RANBP3: variants seen among roughly 807,000 people sequenced by gnomAD.
The protein encoded by RANBP3 is RAN binding protein 3.
In RANBP3, 14 loss-of-function variants were observed where a neutral mutation model predicts 77.3. That is an observed-to-expected ratio of 0.18 (90% CI 0.12 to 0.28). RANBP3 has a LOEUF of 0.28. RANBP3 is among the 10% of genes least tolerant of loss of function. The pLI is 1.00. For synonymous variants in RANBP3, 315 were observed against 312.4 expected (o/e 1.01, Z -0.09); for missense variants, 586 against 752.3 (o/e 0.78, Z 2.59).
chr19:5,920,428 C>G (rs554270422), intron 14 of RANBP3, among the ~76,000 whole-genome samples: 1 of 152,312 alleles, frequency 6.6e-6, no homozygotes, highest in Non-Finnish European at 1.5e-5. Flanking sequence ...TGTGCACACA[C>G]ACAGGCTGAT....
chr19:5,934,386 A>C (rs1181921038), intron 5 of RANBP3: 1 of 152,252 alleles, frequency 6.6e-6, no homozygotes, highest in African/African-American at 2.4e-5. Flanking sequence ...CCCCTTGTCA[A>C]GCTACAGGAC....
chr19:5,939,279 T>C (rs1471128282), intron 5 of RANBP3, among the ~76,000 whole-genome samples: 2 of 152,180 alleles, frequency 1.3e-5, no homozygotes, highest in South Asian at 2.1e-4. Context: ...TTAGAGGACT[T>C]AGAGCTCCAT....
intron 15 of RANBP3, 110 bp downstream of exon 15, chr19:5,918,386 A>ACGGGGGGGG: frequency 4.9e-6 from 3 of 617,694 alleles, no homozygotes; most frequent in African/African-American, 3.8e-5. Flanking sequence ...GAAGCAACTG[A>ACGGGGGGGG]AGCCCCTCCC....
Position 5,941,809 on chromosome 19 carries a change from T to G in RANBP3, c.309A>C (p.Glu103Asp). The G allele has an allele frequency of 6.2e-7, 1 of 1,612,188 alleles. No individual in the cohort carries two copies. The highest frequency in any genetic ancestry group is 1.1e-5 in the South Asian group (1 of 91,002). Residue 103 changes from glutamate (E) to aspartate (D), a missense_variant, in exon 4 of 17, where the codon GAA (glutamate) becomes GAC (aspartate). By Grantham distance (45) the Glu-to-Asp change is conservative. Around this residue, in one of 5 missense-constraint regions of RANBP3, gnomAD observed 172 missense variants for 183.4 expected, o/e 0.94. Transcript: ENST00000340578. Reference protein sequence around the residue: ...AGRSAGGSSPEGGEDSDREDG... With the variant: ...AGRSAGGSSPDGGEDSDREDG... ...TAGAGAGCTCCTTACCTTCTCCGCCTTCAGGACTGGAGCCGCCAGCTGACC... is the reference window on the plus strand; with the variant it reads ...TAGAGAGCTCCTTACCTTCTCCGCCGTCAGGACTGGAGCCGCCAGCTGACC...
chr19:5,933,118 G>C, intron 6 of RANBP3: 1 of 401,606 alleles, frequency 2.5e-6, no homozygotes, highest in Non-Finnish European at 4.5e-6. Context: ...ATGAAGGACA[G>C]ACAGGCTGAA....
At chr19:5,928,147 G>A (rs2057938439) in intron 8 of RANBP3, 60 bp from the exon 9 acceptor site, 1 of 1,564,418 alleles carries the variant, frequency 6.4e-7, no homozygotes, top group Non-Finnish European at 8.6e-7. Context: ...GGCCCAGACG[G>A]ATGCCCAGCA....
rs1432093255 is a variant in RANBP3, at chr19:5,934,693, G to T, written c.407-1214C>A. Among the ~76,000 whole-genome samples the T allele has an allele frequency of 3.3e-5, 5 of 152,128 alleles. No homozygotes were observed. The East Asian group carries it at 9.6e-4, about 29-fold the overall frequency. On this transcript the variant is annotated intron_variant, in intron 5 of 16. Coordinates refer to ENST00000340578, the MANE Select transcript of RANBP3 (RefSeq NM_007322.3). ...TACAAAAAATTAAAAACTTAGCCAG[G>T]CATGGTGGTACATGCCTGTAGTCCC... is the stretch of plus-strand genomic sequence containing the variant.
Position 5,923,114 on chromosome 19 carries a change from G to GAC in RANBP3, c.1209+79_1209+80insGT, listed in dbSNP as rs988409618. On this transcript the variant is annotated intron_variant, in intron 13 of 16. Coordinates refer to ENST00000340578, the MANE Select transcript of RANBP3 (RefSeq NM_007322.3). ...TCAGGGGCAGGCCTGTGTGCTCAGAGGATGTGGGCCCAGCCCTTGCGGTTG... is the reference window on the plus strand; with the variant it reads ...TCAGGGGCAGGCCTGTGTGCTCAGAGACGATGTGGGCCCAGCCCTTGCGGTTG... 2.6e-6 allele frequency: 3 copies of GAC among 1,142,106 alleles called. No homozygotes were observed. In the African/African-American group the frequency reaches 4.6e-5, roughly 17 times the overall value. 70.7% of individuals were successfully genotyped at this position (1,142,106 alleles called of 1,614,324 possible).
At chr19:5,937,848 T>A (rs564271071) in intron 5 of RANBP3, among the ~76,000 whole-genome samples, 2 of 152,008 alleles carry the variant, frequency 1.3e-5, no homozygotes, top group Non-Finnish European at 2.9e-5. Context: ...GAAGCGATCA[T>A]GAGATTTGTA....
At chr19:5,918,387 A>AGCGGGGG in intron 15 of RANBP3, 109 bp downstream of exon 15, 1 of 529,920 alleles carries the variant, frequency 1.9e-6, no homozygotes, top group Non-Finnish European at 3.0e-6. Flanking sequence ...AAGCAACTGA[A>AGCGGGGG]GCCCCTCCCC....
In RANBP3 at chr19:5,958,530, C is replaced by A. The variant is rs1400925252; in HGVS notation, c.23-557G>T. Among the ~76,000 whole-genome samples the A allele has an allele frequency of 6.6e-6, 1 of 152,212 alleles. No homozygotes were observed. The highest frequency in any genetic ancestry group is 6.5e-5 in the Admixed American group (1 of 15,288). Reference sequence around the variant, plus strand: ...AGGCCTGAGAGTCCATCTTGCACAGCGGCTGAAGGAAGAAACACTCTGGGG... The same window carrying A: ...AGGCCTGAGAGTCCATCTTGCACAGAGGCTGAAGGAAGAAACACTCTGGGG... On this transcript the variant is annotated intron_variant, in intron 1 of 16. Coordinates refer to ENST00000340578, the MANE Select transcript of RANBP3 (RefSeq NM_007322.3). This position sits in a 1 kb window ranked among gnomAD's most constrained non-coding sequence, Gnocchi z 4.4.
intron 1 of RANBP3, among the ~76,000 whole-genome samples, chr19:5,968,454 G>A (rs1391695643): frequency 6.6e-6 from 1 of 152,240 alleles, no homozygotes; most frequent in Admixed American, 6.5e-5. Context: ...TGCCGTGTTT[G>A]GGGAAGTGGT....
chr19:5,977,421 C>T (rs2058606657), intron 1 of RANBP3, among the ~76,000 whole-genome samples: 1 of 152,034 alleles, frequency 6.6e-6, no homozygotes, highest in Admixed American at 6.6e-5. Context: ...AAAGAGCAGC[C>T]AGGGTTTTCG....
chr19:5,964,634 A>G (rs1398902394), intron 1 of RANBP3, among the ~76,000 whole-genome samples: 1 of 152,052 alleles, frequency 6.6e-6, no homozygotes, highest in African/African-American at 2.4e-5. Flanking sequence ...GAATCAGGGA[A>G]TGCTGCTGGG....
chr19:5,920,819 G>A, intron 14 of RANBP3: 1 of 159,620 alleles, frequency 6.3e-6, no homozygotes, highest in Non-Finnish European at 1.4e-5. Flanking sequence ...AAGTGCTGGG[G>A]TTACAGGCGT....
chr19:5,923,426 G>T, intron 12 of RANBP3, 123 bp from the exon 13 acceptor site: 2 of 907,258 alleles, frequency 2.2e-6, no homozygotes, highest in Non-Finnish European at 3.4e-6. Flanking sequence ...CCCCTGGCAG[G>T]CCTGCCCCGG....
intron 3 of RANBP3, among the ~76,000 whole-genome samples, chr19:5,944,325 G>C (rs892893024): frequency 6.6e-6 from 1 of 152,208 alleles, no homozygotes; most frequent in Non-Finnish European, 1.5e-5. Flanking sequence ...AGAGCCTGGG[G>C]TTGCATCTGA....
intron 14 of RANBP3, among the ~76,000 whole-genome samples, chr19:5,919,395 C>T (rs369570835): frequency 4.6e-5 from 7 of 152,286 alleles, no homozygotes; most frequent in East Asian, 1.9e-4. Flanking sequence ...AGCGAACAGA[C>T]CTCCCTGAGC....
intron 2 of RANBP3, among the ~76,000 whole-genome samples, chr19:5,953,372 A>G (rs1470683938): frequency 3.3e-5 from 5 of 152,212 alleles, no homozygotes; most frequent in Admixed American, 3.3e-4. Context: ...TCATCCTAAA[A>G]TACACATGGC....
Sources: gnomAD v4.1 joint callset for allele counts (sites outside exome capture counted in the v4.1 genomes callset) on GRCh38, gnomAD v4.1.1 for gene constraint, gnomAD v4.1.1 regional missense constraint, Gnocchi (gnomAD v3.1) non-coding constraint, MANE v1.5 for transcripts, NCBI Gene and HGNC (gene_info 2026-07-23, HGNC 2026-07-21) for gene names.